CD8B: variants seen among roughly 807,000 people sequenced by gnomAD.
CD8B encodes the protein T-cell surface glycoprotein CD8 beta chain.
CD8B carries 6 observed loss-of-function variants against 24.2 expected under a neutral mutation model. The ratio of observed to expected loss-of-function variants is 0.25; its 90% confidence interval spans 0.14 to 0.49. The LOEUF (loss-of-function observed/expected upper bound fraction) is 0.49. Among genes scored for constraint, CD8B ranks in the 20% least tolerant of loss-of-function variants. The probability of loss-of-function intolerance (pLI) is 0.98; values close to 1 mark genes in which losing one functional copy is unlikely to be tolerated. For missense variants in CD8B, 196 were observed against 271.3 expected (o/e 0.72, Z 1.95); for synonymous variants, 84 against 108.3 (o/e 0.78, Z 1.39).
At position 86,853,100 on chromosome 2, in the gene CD8B, G is replaced by A; in HGVS notation, c.404-14C>T. On this transcript the variant is annotated splice_polypyrimidine_tract_variant and intron_variant, in intron 2 of 5. Transcript: ENST00000390655. ...GAAGGAAATCAACTACAGAAAGAAA[G>A]CAAGACACATATCTTAGCCAAGTGA... 1.3e-6 allele frequency: 2 copies of A among 1,543,504 alleles called. No individual in the cohort carries two copies. The highest frequency in any genetic ancestry group is 8.8e-7 in the Non-Finnish European group (1 of 1,141,522).
intron 5 of CD8B, among the ~76,000 whole-genome samples, chr2:86,828,021 A>G (rs1280594618): frequency 2.0e-5 from 3 of 152,160 alleles, no homozygotes; most frequent in Non-Finnish European, 4.4e-5. Flanking sequence ...GTAAAGTCCT[A>G]TCCTTATAGT....
rs1676623893 is a variant in CD8B, at chr2:86,861,872, G to A, written c.-7C>T. 1 of 1,272,940 alleles carries A rather than the reference G, an allele frequency of 7.9e-7. No individual in the cohort carries two copies. 78.9% of individuals were successfully genotyped at this position (1,272,940 alleles called of 1,614,324 possible). ...GCCACAGCCGCGGCCGCATCGTGGC[G>A]CGCCCGGGACACCTGGCCCCGGGGG... On this transcript the variant is annotated 5_prime_UTR_variant, in exon 1 of 6. Transcript: ENST00000390655.
chr2:86,835,935 C>T (rs71259934), downstream of CD8B, among the ~76,000 whole-genome samples: 20 of 151,900 alleles, frequency 1.3e-4, no homozygotes, highest in African/African-American at 3.9e-4. Context: ...TGTGTCCCCC[C>T]GGTCATGAGA....
chr2:86,858,483 C>T (rs1447404311), intron 1 of CD8B, 67 bp from the exon 2 acceptor site: 5 of 1,506,978 alleles, frequency 3.3e-6, no homozygotes, highest in East Asian at 4.6e-5. Context: ...CTTGCAGTCA[C>T]ACTGAGTCAA....
chr2:86,828,666 T>G (rs1674785415), intron 5 of CD8B, among the ~76,000 whole-genome samples: 1 of 152,124 alleles, frequency 6.6e-6, no homozygotes, highest in South Asian at 2.1e-4. Context: ...AATACATAAT[T>G]TTCTTATTAT....
At chr2:86,820,881 G>A (rs1033797876) in intron 5 of CD8B, among the ~76,000 whole-genome samples, 1 of 152,184 alleles carries the variant, frequency 6.6e-6, no homozygotes, top group African/African-American at 2.4e-5. Flanking sequence ...CACTCTGCAA[G>A]CACTATTTTA....
At chr2:86,816,910 AGT>A (rs1220496333) in intron 5 of CD8B, among the ~76,000 whole-genome samples, 1 of 152,246 alleles carries the variant, frequency 6.6e-6, no homozygotes, top group Non-Finnish European at 1.5e-5. Context: ...TTAAAGGACA[AGT>A]CTCAAATTAG....
chr2:86,820,379 C>T (rs1674418206), intron 5 of CD8B, among the ~76,000 whole-genome samples: 1 of 152,192 alleles, frequency 6.6e-6, no homozygotes, highest in Non-Finnish European at 1.5e-5. Flanking sequence ...GAAATTGGCA[C>T]AGCCACGCCA....
chr2:86,849,553 G>A (rs1165002919), intron 3 of CD8B, among the ~76,000 whole-genome samples: 1 of 152,060 alleles, frequency 6.6e-6, no homozygotes, highest in African/African-American at 2.4e-5. Context: ...CTGTGAACAA[G>A]CACAGGGAAT....
At chr2:86,854,592 G>T (rs1676140992) in intron 2 of CD8B, among the ~76,000 whole-genome samples, 1 of 152,154 alleles carries the variant, frequency 6.6e-6, no homozygotes, top group African/African-American at 2.4e-5. Context: ...CCCTGCTGAA[G>T]TGTTGGGAGG....
downstream of CD8B, among the ~76,000 whole-genome samples, chr2:86,833,704 C>T (rs1675048478): frequency 6.8e-6 from 1 of 146,742 alleles, no homozygotes; most frequent in African/African-American, 2.5e-5. Context: ...CTCTGTTGCC[C>T]TGGCTGGAGT....
chr2:86,853,502 A>G (rs1437263823), intron 2 of CD8B, among the ~76,000 whole-genome samples: 1 of 152,006 alleles, frequency 6.6e-6, no homozygotes, highest in African/African-American at 2.4e-5. Context: ...TGAAGTCCTT[A>G]TGACTGTTCC....
At chr2:86,859,876 G>T (rs1428661752) in intron 1 of CD8B, among the ~76,000 whole-genome samples, 1 of 151,984 alleles carries the variant, frequency 6.6e-6, no homozygotes, top group Non-Finnish European at 1.5e-5. Context: ...TGCAGCTCAG[G>T]CTCCGTGGCC....
chr2:86,818,900 A>C (rs527785972), intron 5 of CD8B, among the ~76,000 whole-genome samples: 211 of 152,320 alleles, frequency 1.4e-3, no homozygotes, highest in African/African-American at 4.9e-3. Flanking sequence ...GTAGAGAAAA[A>C]GTTCTTGAAG....
chr2:86,828,790 C>G (rs1674789280), intron 5 of CD8B, among the ~76,000 whole-genome samples: 1 of 152,180 alleles, frequency 6.6e-6, no homozygotes, highest in Non-Finnish European at 1.5e-5. Context: ...GCAACCTCTA[C>G]TTTATTATCT....
chr2:86,845,877 G>A (rs528204542), intron 4 of CD8B, among the ~76,000 whole-genome samples: 1 of 152,304 alleles, frequency 6.6e-6, no homozygotes, highest in African/African-American at 2.4e-5. Flanking sequence ...TGTGGGGAGA[G>A]GTCCGTTATT....
rs145406454 is a variant in CD8B at position 86,844,950 on chromosome 2, T to C, written c.592A>G (p.Arg198Gly). The C allele has an allele frequency of 3.7e-4, 569 of 1,556,750 alleles. 4 individuals are homozygous for C. The African/African-American group carries it at 7.0e-3, about 19-fold the overall frequency. The change falls in exon 5 of 6, where the codon AGG becomes GGG. Residue 198 changes from arginine to glycine, a missense_variant. By Grantham distance (125) the Arg-to-Gly change is moderately radical. Transcript: ENST00000390655. ...GVAIHLCCRR[R>G]RARLRFMKQF... ...TTCATGAAACGAAGCCGGGCTCTCC[T>C]CCGCCGGCCTGGAAGAGGAAAGCAA...
intron 5 of CD8B, among the ~76,000 whole-genome samples, chr2:86,843,145 C>T (rs76273298): frequency 3.3e-5 from 5 of 152,012 alleles, no homozygotes; most frequent in African/African-American, 9.7e-5. Context: ...CAGGCTGCAG[C>T]GGAATGGTGT....
intron 1 of CD8B, among the ~76,000 whole-genome samples, chr2:86,861,279 C>G (rs1676573117): frequency 6.6e-6 from 1 of 152,100 alleles, no homozygotes; most frequent in African/African-American, 2.4e-5. Context: ...TCCTAGGGAG[C>G]CACGCTACCC....
Sources: allele counts gnomAD v4.1 joint callset (sites outside exome capture counted in the v4.1 genomes callset), GRCh38; gene constraint gnomAD v4.1.1; transcripts MANE v1.5; gene names NCBI Gene and HGNC (gene_info 2026-07-23, HGNC 2026-07-21).